The following KCND2 variants were observed in gnomAD, a reference collection of about 807,000 sequenced individuals.
KCND2 encodes potassium voltage-gated channel subfamily D member 2.
Under a neutral mutation model 54.4 loss-of-function variants are expected in KCND2, and 16 were observed. That is an observed-to-expected ratio of 0.29 (90% CI 0.20 to 0.45). The LOEUF is 0.45. KCND2 is among the 20% of genes least tolerant of loss of function. The probability of loss-of-function intolerance (pLI) is 1.00; values close to 1 mark genes in which losing one functional copy is unlikely to be tolerated. For missense variants in KCND2, 486 were observed against 824.2 expected, an observed-to-expected ratio of 0.59 and a Z score of 5.02; for synonymous variants, 317 against 310.7, an observed-to-expected ratio of 1.02 and a Z score of -0.21.
At chr7:120,461,130 G>A (rs565969978) in intron 1 of KCND2, among the ~76,000 whole-genome samples, 1 of 152,206 alleles carries the variant, frequency 6.6e-6, no homozygotes, top group East Asian at 1.9e-4. Context: ...CTCCTTGGTT[G>A]CCACTGTGTT....
At position 120,465,212 on chromosome 7, in the gene KCND2, G is replaced by A. The variant is rs562563989; in HGVS notation, c.1115+189465G>A. On this transcript the variant is annotated intron_variant, in intron 1 of 5. Coordinates refer to ENST00000331113, the MANE Select transcript of KCND2 (RefSeq NM_012281.3). ...TAAGGATGGTGGGAAAGTCCACTGC[G>A]CTTGTCTCAAGACAATCAAGTGATA... Among the ~76,000 whole-genome samples, 7 of 152,198 alleles carry A rather than the reference G, an allele frequency of 4.6e-5. No individual in the cohort carries two copies. The East Asian group carries it at 9.7e-4, about 21-fold the overall frequency.
At chr7:120,482,986 A>G (rs1802628898) in intron 1 of KCND2, among the ~76,000 whole-genome samples, 1 of 152,182 alleles carries the variant, frequency 6.6e-6, no homozygotes, top group African/African-American at 2.4e-5. Context: ...TGCAGGTGAG[A>G]AAACCAAGGC....
At chr7:120,615,115 A>G (rs1284423898) in intron 1 of KCND2, among the ~76,000 whole-genome samples, 1 of 152,232 alleles carries the variant, frequency 6.6e-6, no homozygotes, top group Non-Finnish European at 1.5e-5. Flanking sequence ...ACATACCATC[A>G]GTAACAATAT....
At chr7:120,318,408 T>C (rs1220498270) in intron 1 of KCND2, among the ~76,000 whole-genome samples, 1 of 152,136 alleles carries the variant, frequency 6.6e-6, no homozygotes, top group Non-Finnish European at 1.5e-5. Context: ...ATTGATTCTA[T>C]ATGAAAGGTG....
At chr7:120,718,824 T>C (rs1562919207) in intron 1 of KCND2, among the ~76,000 whole-genome samples, 1 of 152,132 alleles carries the variant, frequency 6.6e-6, no homozygotes, top group Non-Finnish European at 1.5e-5. Context: ...ACAGTTGTTT[T>C]CAGGAGGAGT....
chr7:120,352,430 A>T (rs932103290), intron 1 of KCND2, among the ~76,000 whole-genome samples: 2 of 143,794 alleles, frequency 1.4e-5, no homozygotes, highest in Admixed American at 7.4e-5. Context: ...ACACACATAC[A>T]TATATACAAA....
intron 1 of KCND2, among the ~76,000 whole-genome samples, chr7:120,406,254 G>T (rs1014182671): frequency 1.3e-5 from 2 of 151,764 alleles, no homozygotes; most frequent in African/African-American, 4.8e-5. Context: ...ATTCAAAGTG[G>T]TGTATTTAAA....
rs534365126 is a variant in KCND2 at position 120,460,369 on chromosome 7, G to C, written c.1115+184622G>C. ...TGCCTAAGGTCATCTATCTAGAGAC[G>C]GAGCTTATATCCAAACTCTTGTCAG... On this transcript the variant is annotated intron_variant, in intron 1 of 5. Transcript: ENST00000331113. 1.8e-4 allele frequency among the ~76,000 whole-genome samples: 27 copies of C among 152,144 alleles called. No individual in the cohort carries two copies. In the South Asian group the frequency reaches 2.5e-3, roughly 14 times the overall value.
At chr7:120,744,918 G>A (rs1222597636) in intron 4 of KCND2, among the ~76,000 whole-genome samples, 1 of 152,042 alleles carries the variant, frequency 6.6e-6, no homozygotes, top group African/African-American at 2.4e-5. Context: ...TTCTTCCATA[G>A]GCATTTCAGG....
chr7:120,470,366 C>T (rs768393709), intron 1 of KCND2, among the ~76,000 whole-genome samples: 8 of 152,070 alleles, frequency 5.3e-5, no homozygotes, highest in Non-Finnish European at 8.8e-5. Flanking sequence ...CTTGTAGACT[C>T]TACCTTTCAT....
intron 1 of KCND2, among the ~76,000 whole-genome samples, chr7:120,635,109 A>C (rs1416708078): frequency 6.6e-6 from 1 of 152,198 alleles, no homozygotes. Flanking sequence ...TTTTACTTTT[A>C]CTTTTCTTCT....
At chr7:120,639,000 C>T (rs1026335849) in intron 1 of KCND2, among the ~76,000 whole-genome samples, 7 of 152,018 alleles carry the variant, frequency 4.6e-5, no homozygotes, top group East Asian at 3.9e-4. Context: ...TATTCTCCTG[C>T]GAGTGTTTTA....
At chr7:120,277,320 C>T (rs1217288968) in intron 1 of KCND2, among the ~76,000 whole-genome samples, 1 of 151,974 alleles carries the variant, frequency 6.6e-6, no homozygotes, top group Non-Finnish European at 1.5e-5. Context: ...ATGCAGAATG[C>T]CTTCGCAGTG....
chr7:120,486,689 C>CT (rs1399142505), intron 1 of KCND2, among the ~76,000 whole-genome samples: 190 of 143,968 alleles, frequency 1.3e-3, no homozygotes, highest in South Asian at 2.9e-3. Context: ...TGTTTATTGT[C>CT]TTTTTTTTTT....
At chr7:120,537,735 A>G (rs1013227197) in intron 1 of KCND2, among the ~76,000 whole-genome samples, 1 of 152,144 alleles carries the variant, frequency 6.6e-6, no homozygotes, top group East Asian at 1.9e-4. Flanking sequence ...CGTAAACCTC[A>G]TGAACCAACC....
At chr7:120,744,496 G>A (rs906026560) in intron 4 of KCND2, among the ~76,000 whole-genome samples, 8 of 152,034 alleles carry the variant, frequency 5.3e-5, no homozygotes, top group African/African-American at 1.7e-4. Flanking sequence ...ACCATGCATT[G>A]TAAGAGAAGG....
At chr7:120,660,107 C>A (rs1430478900) in intron 1 of KCND2, among the ~76,000 whole-genome samples, 1 of 152,028 alleles carries the variant, frequency 6.6e-6, no homozygotes, top group East Asian at 1.9e-4. Flanking sequence ...CATAATTTCC[C>A]CCTTCTGCAA....
chr7:120,418,028 G>T (rs1801549225), intron 1 of KCND2, among the ~76,000 whole-genome samples: 1 of 152,100 alleles, frequency 6.6e-6, no homozygotes, highest in Admixed American at 6.6e-5. Context: ...AACATTTTTT[G>T]TTGGATAATC....
chr7:120,523,226 T>C (rs1018760648), intron 1 of KCND2, among the ~76,000 whole-genome samples: 3 of 152,150 alleles, frequency 2.0e-5, no homozygotes, highest in African/African-American at 7.2e-5. Context: ...CTAAATGCTT[T>C]AACATTAACA....
Sources: gnomAD v4.1 joint callset for allele counts (sites outside exome capture counted in the v4.1 genomes callset) on GRCh38, gnomAD v4.1.1 for gene constraint, MANE v1.5 for transcripts, NCBI Gene and HGNC (gene_info 2026-07-23, HGNC 2026-07-21) for gene names.